AGPAT5: variants seen among roughly 807,000 people sequenced by gnomAD.
AGPAT5 encodes 1-acyl-sn-glycerol-3-phosphate acyltransferase epsilon.
In AGPAT5, 46 loss-of-function variants were observed where a neutral mutation model predicts 45.6. That is an observed-to-expected ratio of 1.01 (90% CI 0.80 to 1.29). The LOEUF is 1.29. Among genes scored for constraint, AGPAT5 ranks in the 50% most tolerant of loss-of-function variants. The pLI is 0.00. For missense variants in AGPAT5, 673 were observed against 450.7 expected (o/e 1.49, Z -4.47); for synonymous variants, 272 against 167.0 (o/e 1.63, Z -4.85).
rs150414336 is a variant in AGPAT5, at chr8:6,743,368, C to G, written c.586+1617C>G. Among the ~76,000 whole-genome samples the G allele has an allele frequency of 3.3e-5, 5 of 152,310 alleles. No individual in the cohort carries two copies. In the East Asian group the frequency reaches 7.7e-4, roughly 24 times the overall value. On this transcript the variant is annotated intron_variant, in intron 5 of 7. Transcript: ENST00000285518. Reference sequence around the variant, plus strand: ...ACTCTGGACCCATTTGTACAATTGTCCATTAGAGAGCTTCGCTTGACTGGC... The same window carrying G: ...ACTCTGGACCCATTTGTACAATTGTGCATTAGAGAGCTTCGCTTGACTGGC...
chr8:6,737,491 A>G (rs1417619145), intron 4 of AGPAT5, among the ~76,000 whole-genome samples: 1 of 152,240 alleles, frequency 6.6e-6, no homozygotes, highest in African/African-American at 2.4e-5. Flanking sequence ...GAAGAAATAC[A>G]TCTCCATAAT....
chr8:6,722,396 A>C (rs1460078785), intron 1 of AGPAT5, among the ~76,000 whole-genome samples: 1 of 152,174 alleles, frequency 6.6e-6, no homozygotes, highest in East Asian at 1.9e-4. Context: ...ACAACAGCAA[A>C]AGTTTTTTTT....
intron 6 of AGPAT5, among the ~76,000 whole-genome samples, chr8:6,751,219 C>T (rs1338945218): frequency 6.6e-6 from 1 of 152,054 alleles, no homozygotes; most frequent in African/African-American, 2.4e-5. Flanking sequence ...TACTTTGTGG[C>T]CACATTTCAT....
chr8:6,755,746 C>A (rs1801813077), intron 7 of AGPAT5, among the ~76,000 whole-genome samples: 1 of 152,276 alleles, frequency 6.6e-6, no homozygotes, highest in Middle Eastern at 3.4e-3. Context: ...TATCATTGTT[C>A]TTCTTTTCCT....
At position 6,730,726 on chromosome 8, in the gene AGPAT5, C is replaced by G; in HGVS notation, c.305C>G (p.Ala102Gly). The change falls in exon 3 of 8, where the codon GCT becomes GGT. Residue 102 changes from alanine (A) to glycine (G), a missense_variant. Physicochemically the swap from Ala to Gly is moderately conservative, Grantham distance 60. Transcript: ENST00000285518. ...NHQSTVDWIVADILAIRQNAL... is the reference protein window; with the variant it reads ...NHQSTVDWIVGDILAIRQNAL... ...GTCTCTGCAGTTGACTGGATTGTTG[C>G]TGACATCTTGGCCATCAGGCAGAAT... The G allele has an allele frequency of 6.2e-7, 1 of 1,613,042 alleles. No homozygotes were observed. The highest frequency in any genetic ancestry group is 8.5e-7 in the Non-Finnish European group (1 of 1,179,256).
intron 1 of AGPAT5, among the ~76,000 whole-genome samples, chr8:6,710,751 G>C (rs963903743): frequency 9.2e-5 from 14 of 152,142 alleles, no homozygotes; most frequent in Non-Finnish European, 1.9e-4. Flanking sequence ...TAAATCAATA[G>C]AGGAATAAAT....
At chr8:6,731,457 T>G (rs1282319373) in intron 3 of AGPAT5, among the ~76,000 whole-genome samples, 2 of 152,184 alleles carry the variant, frequency 1.3e-5, no homozygotes, top group African/African-American at 4.8e-5. Flanking sequence ...ACTTATAATA[T>G]CTAATACATT....
chr8:6,753,488 A>T (rs1801724086), intron 6 of AGPAT5, among the ~76,000 whole-genome samples: 4 of 152,164 alleles, frequency 2.6e-5, no homozygotes. Context: ...TTGTGGCTAA[A>T]ACACTATAAT....
intron 5 of AGPAT5, among the ~76,000 whole-genome samples, chr8:6,746,439 A>T (rs1481136793): frequency 6.6e-6 from 1 of 152,198 alleles, no homozygotes; most frequent in Non-Finnish European, 1.5e-5. Context: ...ACTTACTTGG[A>T]TGCCAGTAAT....
chr8:6,750,233 C>T (rs1587063901), intron 6 of AGPAT5, among the ~76,000 whole-genome samples: 1 of 152,308 alleles, frequency 6.6e-6, no homozygotes. Flanking sequence ...AGGGCTCTGC[C>T]TTTCTCTCTT....
intron 6 of AGPAT5, among the ~76,000 whole-genome samples, chr8:6,748,170 G>T (rs377571432): frequency 3.3e-4 from 51 of 152,296 alleles, no homozygotes; most frequent in African/African-American, 1.2e-3. Flanking sequence ...TTATTAGTCA[G>T]TGCTGCCCTT....
At chr8:6,731,077 C>G (rs1426625192) in intron 3 of AGPAT5, among the ~76,000 whole-genome samples, 2 of 151,956 alleles carry the variant, frequency 1.3e-5, no homozygotes, top group East Asian at 3.9e-4. Flanking sequence ...GCTGTGTTGC[C>G]CAGGCTGGTC....
At chr8:6,718,732 G>C (rs1253966654) in intron 1 of AGPAT5, among the ~76,000 whole-genome samples, 3 of 152,158 alleles carry the variant, frequency 2.0e-5, no homozygotes, top group Non-Finnish European at 4.4e-5. Context: ...TTCATTTGCT[G>C]TTCAGACTAA....
intron 1 of AGPAT5, among the ~76,000 whole-genome samples, chr8:6,714,099 C>G (rs1455543554): frequency 6.6e-6 from 1 of 152,208 alleles, no homozygotes; most frequent in African/African-American, 2.4e-5. Context: ...TACATTCTTT[C>G]TGCACTTCTG....
In AGPAT5 at chr8:6,755,319, G is replaced by A. The variant is rs1801798801; in HGVS notation, c.869+145G>A. 12 of 946,850 alleles carry A rather than the reference G, an allele frequency of 1.3e-5. No individual in the cohort carries two copies. The South Asian group carries it at 1.3e-4, about 10-fold the overall frequency. The allele number at this position is 946,850 out of a possible 1,614,324, so 58.7% of individuals were successfully genotyped here. A position where few individuals can be genotyped will look rare whatever the true frequency, so the allele number is the denominator to read the frequency against. On this transcript the variant is annotated intron_variant, in intron 7 of 7. Coordinates refer to ENST00000285518, the MANE Select transcript of AGPAT5 (RefSeq NM_018361.5). ...AATCAAATTTTATGCATGTCTGATC[G>A]TGTTTTAAACTTTACTTGTACAAAT...
chr8:6,710,306 A>G (rs546163052), intron 1 of AGPAT5, among the ~76,000 whole-genome samples: 2 of 152,170 alleles, frequency 1.3e-5, no homozygotes, highest in African/African-American at 2.4e-5. Context: ...CAGAGATCCG[A>G]TTTACTTCTT....
intron 4 of AGPAT5, among the ~76,000 whole-genome samples, chr8:6,734,033 G>A (rs553886994): frequency 6.6e-6 from 1 of 152,276 alleles, no homozygotes; most frequent in South Asian, 2.1e-4. Context: ...TTGGTTTGCA[G>A]CAGTTTAAGT....
chr8:6,723,159 T>C (rs778028346), intron 1 of AGPAT5, among the ~76,000 whole-genome samples: 1 of 152,200 alleles, frequency 6.6e-6, no homozygotes. Flanking sequence ...TGCCTACTGG[T>C]GACAAAAGTG....
chr8:6,734,986 C>T (rs1453351729), intron 4 of AGPAT5, among the ~76,000 whole-genome samples: 3 of 152,074 alleles, frequency 2.0e-5, no homozygotes, highest in South Asian at 4.1e-4. Context: ...CCCCACTATA[C>T]TTCTTGGATA....
Sources: allele counts gnomAD v4.1 joint callset (sites outside exome capture counted in the v4.1 genomes callset), GRCh38; gene constraint gnomAD v4.1.1; transcripts MANE v1.5; gene names NCBI Gene and HGNC (gene_info 2026-07-23, HGNC 2026-07-21).